Variants in ATL2 observed in about 807,000 individuals in gnomAD.
ATL2 encodes atlastin-2.
In ATL2, 31 loss-of-function variants were observed where a neutral mutation model predicts 73.9. The ratio of observed to expected loss-of-function variants is 0.42; its 90% CI spans 0.32 to 0.57. ATL2 has a LOEUF of 0.57. ATL2 is among the 20% of genes least tolerant of loss of function. ATL2 has a pLI of 0.14. For synonymous variants in ATL2, 291 were observed against 237.5 expected (o/e 1.23, Z -2.07); for missense variants, 738 against 702.6 (o/e 1.05, Z -0.57).
At position 38,372,227 on chromosome 2, in the gene ATL2, C is replaced by A. The variant is rs145830633; in HGVS notation, c.118+4916G>T. 8.5e-4 allele frequency among the ~76,000 whole-genome samples: 128 copies of A among 151,300 alleles called. 1 individual carries two copies. Among genetic ancestry groups the A allele is most frequent in the African/African-American group, 3.0e-3 (125 of 41,254 alleles). Reference sequence around the variant, plus strand: ...TGCACTATACAGTCAAGTCAGCCCTCCATATCTATGGGTTCTACATCCATG... The same window carrying A: ...TGCACTATACAGTCAAGTCAGCCCTACATATCTATGGGTTCTACATCCATG... On this transcript the variant is annotated intron_variant, in intron 1 of 12. Transcript: ENST00000378954.
At chr2:38,368,320 T>C (rs1402033252) in intron 1 of ATL2, among the ~76,000 whole-genome samples, 1 of 150,072 alleles carries the variant, frequency 6.7e-6, no homozygotes, top group African/African-American at 2.5e-5. Flanking sequence ...TGGTGCAATC[T>C]CAGTTCACCT....
At chr2:38,365,398 T>C (rs1671262476) in intron 1 of ATL2, among the ~76,000 whole-genome samples, 1 of 152,138 alleles carries the variant, frequency 6.6e-6, no homozygotes, top group Non-Finnish European at 1.5e-5. Context: ...CTCACACCTG[T>C]AATCCCAGCA....
At chr2:38,359,041 C>T (rs28622445) in intron 1 of ATL2, among the ~76,000 whole-genome samples, 18,275 of 152,086 alleles carry the variant, frequency 0.12, 3,238 homozygotes, top group African/African-American at 0.39. Flanking sequence ...AACTACAATG[C>T]AAATTACAAA....
intron 2 of ATL2, among the ~76,000 whole-genome samples, chr2:38,341,032 T>A (rs1327334640): frequency 3.3e-5 from 5 of 152,210 alleles, no homozygotes; most frequent in Non-Finnish European, 7.4e-5. Flanking sequence ...GAACAGCCAC[T>A]ACTAACTGAT....
At chr2:38,355,560 A>C (rs1204549631) in intron 1 of ATL2, among the ~76,000 whole-genome samples, 16 of 152,212 alleles carry the variant, frequency 1.1e-4, no homozygotes. Flanking sequence ...AGCTGGCTTC[A>C]AGACTAAAAG....
rs1381227225 is a variant in ATL2 at position 38,343,456 on chromosome 2, A to G, written c.175T>C (p.Cys59Arg). The G allele has an allele frequency of 1.2e-6, 2 of 1,611,712 alleles. No homozygotes were observed. The highest frequency in any genetic ancestry group is 1.3e-5 in the African/African-American group (1 of 74,832). ...VNSDEVMKKPCPVQIVLAHED... is the reference protein window; with the variant it reads ...VNSDEVMKKPRPVQIVLAHED... ...TGAGCAAGAACAATCTGTACTGGAC[A>G]TGGTTTCTTCATAACCTCATCAGAA... The change falls in exon 2 of 13, where the codon TGT becomes CGT. Residue 59 changes from cysteine to arginine, a missense_variant. Transcript: ENST00000378954.
chr2:38,346,815 G>C (rs1198573818), intron 1 of ATL2, among the ~76,000 whole-genome samples: 1 of 152,140 alleles, frequency 6.6e-6, no homozygotes. Flanking sequence ...CCCTAGGGTT[G>C]GGAACCCCAG....
At chr2:38,367,754 T>G (rs1301532554) in intron 1 of ATL2, among the ~76,000 whole-genome samples, 1 of 149,352 alleles carries the variant, frequency 6.7e-6, no homozygotes, top group Non-Finnish European at 1.5e-5. Flanking sequence ...AGCCTCAGCC[T>G]CTGGAGTAGC....
intron 12 of ATL2, 111 bp downstream of exon 12, chr2:38,298,033 C>T: frequency 1.0e-6 from 1 of 967,448 alleles, no homozygotes; most frequent in Non-Finnish European, 1.5e-6. Context: ...CAGAAGACAT[C>T]CTTTTGACAT....
In ATL2 at chr2:38,310,391, A is replaced by G. The variant is rs1398948859; in HGVS notation, c.861T>C (p.Cys287=). 3.1e-6 allele frequency: 5 copies of G among 1,612,894 alleles called. No homozygotes were observed. In the South Asian group the frequency reaches 5.5e-5, roughly 18 times the overall value. Residue 287 remains cysteine, a synonymous_variant, in exon 8 of 13, where the codon TGT becomes TGC. Transcript: ENST00000378954. ...AAAGGAAGCAACCAAGATTTGAGAA[A>G]CAATTGTGTATGTGCTTCCTTACAT... is the stretch of plus-strand genomic sequence containing the variant. ...LQNVRKHIHN[C]FSNLGCFLLP... is the part of the protein sequence containing the mutation.
rs1558381893 is a variant in ATL2, at chr2:38,298,421, A to G, written c.1355T>C (p.Ile452Thr). The change falls in exon 12 of 13, where the codon ATT becomes ACT. Residue 452 changes from isoleucine to threonine, a missense_variant. Ile to Thr is a moderately conservative substitution (Grantham distance 89). Transcript: ENST00000378954. The stretch of plus-strand genomic sequence containing the variant: ...TATAAAATTTGCATAGGTTTCTTCA[A>G]TTTCAGCTTCAAGCTGGTCCTGATA... ...RRYQDQLEAEIEETYANFIKH... is the reference protein window; with the variant it reads ...RRYQDQLEAETEETYANFIKH... 2 of 1,614,174 alleles carry G rather than the reference A, an allele frequency of 1.2e-6. No homozygotes were observed. Among genetic ancestry groups the G allele is most frequent in the Non-Finnish European group, 8.5e-7 (1 of 1,180,010 alleles).
chr2:38,296,280 T>G (rs1309636937), intron 12 of ATL2, 167 bp from the exon 13 acceptor site: 2 of 1,437,738 alleles, frequency 1.4e-6, no homozygotes, highest in East Asian at 2.5e-5. Context: ...ACTAGACATT[T>G]TATAATGCAA....
At chr2:38,370,341 C>T (rs1472921442) in intron 1 of ATL2, among the ~76,000 whole-genome samples, 3 of 146,834 alleles carry the variant, frequency 2.0e-5, no homozygotes, top group Non-Finnish European at 3.0e-5. Flanking sequence ...CTCAGCTGCT[C>T]GGGAGGCTAA....
chr2:38,368,452 A>G (rs936345395), intron 1 of ATL2, among the ~76,000 whole-genome samples: 1 of 150,918 alleles, frequency 6.6e-6, no homozygotes, highest in Non-Finnish European at 1.5e-5. Flanking sequence ...GGGTTTCTCC[A>G]TGTTGGTCAG....
chr2:38,334,864 TTATATAATATATATTATATAA>T (rs1190028294), intron 2 of ATL2, among the ~76,000 whole-genome samples: 2 of 34,730 alleles, frequency 5.8e-5, no homozygotes, highest in Non-Finnish European at 7.9e-5. Flanking sequence ...TATTTATATA[TTATATAATATATATTATATAA>T]TATATAATAT....
intron 9 of ATL2, among the ~76,000 whole-genome samples, chr2:38,307,658 T>A (rs1337791249): frequency 6.6e-6 from 1 of 152,016 alleles, no homozygotes; most frequent in East Asian, 1.9e-4. Flanking sequence ...ATCAGAAAAG[T>A]GAAGACGCAA....
upstream of ATL2, among the ~76,000 whole-genome samples, chr2:38,378,528 C>T (rs1672098454): frequency 6.6e-6 from 1 of 152,216 alleles, no homozygotes; most frequent in Admixed American, 6.5e-5. Context: ...TGAGCCACTG[C>T]GCCCGGCCCA....
intron 2 of ATL2, 123 bp downstream of exon 2, chr2:38,343,145 A>T: frequency 1.2e-6 from 1 of 821,614 alleles, no homozygotes; most frequent in Non-Finnish European, 1.6e-6. Context: ...GAGACCACTT[A>T]AATTAAAAAA....
At chr2:38,312,173 G>A (rs1376810720) in intron 7 of ATL2, among the ~76,000 whole-genome samples, 3 of 152,160 alleles carry the variant, frequency 2.0e-5, no homozygotes, top group Non-Finnish European at 4.4e-5. Context: ...TAGATGGGTA[G>A]CCTGTAAGTA....
Sources: allele counts gnomAD v4.1 joint callset (sites outside exome capture counted in the v4.1 genomes callset), GRCh38; gene constraint gnomAD v4.1.1; transcripts MANE v1.5; gene names NCBI Gene and HGNC (gene_info 2026-07-23, HGNC 2026-07-21).